Variants in ZNF658 observed in about 807,000 individuals in gnomAD.
ZNF658 encodes zinc finger protein 658.
Under a neutral mutation model 78.0 loss-of-function variants are expected in ZNF658, and 46 were observed. The observed-to-expected ratio is 0.59, with a 90% CI of 0.47 to 0.75. ZNF658 has a LOEUF of 0.75. Ranked by LOEUF, ZNF658 falls within the 30% of genes least tolerant of loss-of-function variation. The pLI is 0.00. For missense variants in ZNF658, 785 were observed against 1,189.3 expected (o/e 0.66, Z 5.00); for synonymous variants, 279 against 408.4 (o/e 0.68, Z 3.82).
intron 3 of ZNF658, 68 bp downstream of exon 3, chr9:66,908,432 T>C: frequency 1.2e-6 from 2 of 1,609,344 alleles, no homozygotes; most frequent in South Asian, 2.2e-5. Flanking sequence ...TCAAAACACA[T>C]GGACCCTTTA....
Position 66,918,319 on chromosome 9 carries a change from C to T in ZNF658, c.753C>T (p.Asn251=). 6.2e-7 allele frequency: 1 copy of T among 1,613,900 alleles called. No individual in the cohort carries two copies. Among genetic ancestry groups the T allele is most frequent in the Non-Finnish European group, 8.5e-7 (1 of 1,179,838 alleles). Residue 251 remains asparagine (N), a synonymous_variant, in exon 5 of 5, where the codon AAC becomes AAT. Coordinates refer to ENST00000621410, the MANE Select transcript of ZNF658 (RefSeq NM_033160.7). ...GTAAGGATGATGAATTTAGAAAAAACTTTGATAAAATCACTTTATTTAACC... is the reference window on the plus strand; with the variant it reads ...GTAAGGATGATGAATTTAGAAAAAATTTTGATAAAATCACTTTATTTAACC... The part of the protein sequence containing the change: ...KSCKDDEFRK[N]FDKITLFNHM...
At chr9:66,922,213 G>A (rs1303549692), downstream of ZNF658, among the ~76,000 whole-genome samples, 1 of 148,066 alleles carries the variant, frequency 6.8e-6, no homozygotes, top group Non-Finnish European at 1.5e-5. Flanking sequence ...CACAGTATTA[G>A]GGTTGGAGTG....
At chr9:66,906,288 G>A (rs1564169427) in intron 2 of ZNF658, among the ~76,000 whole-genome samples, 2 of 151,104 alleles carry the variant, frequency 1.3e-5, no homozygotes, top group Non-Finnish European at 2.9e-5. Flanking sequence ...TGACAGTTTA[G>A]GGCCTTCTCA....
chr9:66,908,243 A>G lies in ZNF658; in HGVS notation c.21A>G (p.Ser7=). MNMSQA[S]VSFQDVTVEF... ...TGTGATAAATGTTGTTACAGGCATCAGTGTCATTCCAGGACGTGACTGTGG... is the reference window on the plus strand; with the variant it reads ...TGTGATAAATGTTGTTACAGGCATCGGTGTCATTCCAGGACGTGACTGTGG... The change falls in exon 3 of 5, where the codon TCA becomes TCG. Residue 7 remains serine, a synonymous_variant. Transcript: ENST00000621410. The G allele has an allele frequency of 1.2e-6, 2 of 1,614,054 alleles. No individual in the cohort carries two copies. Among genetic ancestry groups the G allele is most frequent in the Non-Finnish European group, 1.7e-6 (2 of 1,179,980 alleles).
At chr9:66,912,364 AT>A (rs1488005377) in intron 4 of ZNF658, among the ~76,000 whole-genome samples, 1 of 64,622 alleles carries the variant, frequency 1.5e-5, no homozygotes, top group Non-Finnish European at 2.8e-5. Context: ...ATTTAATAAA[AT>A]ACAGAATGCA....
Position 66,918,131 on chromosome 9 carries a change from TATGAACATG to T in ZNF658, c.566_574del (p.Tyr189_Gly192delinsCys). On this transcript the variant is annotated inframe_deletion, in exon 5 of 5. Coordinates refer to ENST00000621410, the MANE Select transcript of ZNF658 (RefSeq NM_033160.7). The stretch of plus-strand genomic sequence containing the variant: ...GAAAGCTCATGCTGAAGAGAAATCT[TATGAACATG>T]GTGAAAATGCTAAAGCTTTCAGTTA... 2 of 1,594,874 alleles carry T rather than the reference TATGAACATG, an allele frequency of 1.3e-6. No individual in the cohort carries two copies. Among genetic ancestry groups the T allele is most frequent in the Non-Finnish European group, 1.7e-6 (2 of 1,174,614 alleles).
At chr9:66,907,267 T>C (rs1436487516) in intron 2 of ZNF658, among the ~76,000 whole-genome samples, 2 of 152,142 alleles carry the variant, frequency 1.3e-5, no homozygotes, top group African/African-American at 2.4e-5. Flanking sequence ...TAAAATCATA[T>C]GTATCCTGGT....
intron 4 of ZNF658, among the ~76,000 whole-genome samples, chr9:66,909,600 G>A (rs1213552174): frequency 6.6e-6 from 1 of 151,876 alleles, no homozygotes; most frequent in African/African-American, 2.4e-5. Flanking sequence ...AAACTGCTGG[G>A]TCATATGGTA....
intron 4 of ZNF658, among the ~76,000 whole-genome samples, chr9:66,916,031 A>G (rs1822328133): frequency 7.1e-6 from 1 of 141,324 alleles, no homozygotes; most frequent in African/African-American, 2.7e-5. Flanking sequence ...CTGGGATTAC[A>G]GGTGTGCACC....
Position 66,908,294 on chromosome 9 carries a change from C to A in ZNF658, c.72C>A (p.His24Gln), listed in dbSNP as rs1399389841. The change falls in exon 3 of 5, where the codon CAC becomes CAA. Residue 24 changes from histidine to glutamine, a missense_variant. This residue lies in a region of ZNF658 where 79 missense variants were observed against 96.5 expected (regional missense o/e 0.82). Transcript: ENST00000621410. ...TVEFTREEWQ[H>Q]LGPVERTLYR... Reference sequence around the variant, plus strand: ...AATTCACCCGGGAGGAGTGGCAGCACCTGGGCCCTGTCGAGAGGACGCTGT... The same window carrying A: ...AATTCACCCGGGAGGAGTGGCAGCAACTGGGCCCTGTCGAGAGGACGCTGT... 6.2e-7 allele frequency: 1 copy of A among 1,614,068 alleles called. No homozygotes were observed.
At chr9:66,904,435 G>A (rs1024527694) in intron 2 of ZNF658, among the ~76,000 whole-genome samples, 7 of 151,128 alleles carry the variant, frequency 4.6e-5, no homozygotes, top group African/African-American at 1.7e-4. Flanking sequence ...CCTGTCACTC[G>A]GCTCAGCCTC....
intron 4 of ZNF658, among the ~76,000 whole-genome samples, chr9:66,914,739 C>T (rs1822293759): frequency 6.6e-6 from 1 of 151,914 alleles, no homozygotes; most frequent in South Asian, 2.1e-4. Context: ...TATAGTATTG[C>T]AGTGTAGTAA....
At position 66,918,873 on chromosome 9, in the gene ZNF658, G is replaced by T. The variant is rs1587367211; in HGVS notation, c.1307G>T (p.Gly436Val). Residue 436 changes from glycine (G) to valine (V), a missense_variant, in exon 5 of 5, where the codon GGA (glycine) becomes GTA (valine). Around this residue, in one of 12 missense-constraint regions of ZNF658, gnomAD observed 393 missense variants for 400.2 expected, o/e 0.98. Transcript: ENST00000621410. The stretch of plus-strand genomic sequence containing the variant: ...ATTCAGCATCCTGGAACTTATGTGG[G>T]ATTCAAACTTTATGAATGTAATGAA... ...HPIQHPGTYVGFKLYECNECG... is the reference protein window; with the variant it reads ...HPIQHPGTYVVFKLYECNECG... The T allele has an allele frequency of 6.3e-7, 1 of 1,597,122 alleles. No homozygotes were observed. Among genetic ancestry groups the T allele is most frequent in the Non-Finnish European group, 8.6e-7 (1 of 1,168,768 alleles).
intron 4 of ZNF658, among the ~76,000 whole-genome samples, chr9:66,910,045 T>A (rs1206195279): frequency 6.6e-6 from 1 of 152,134 alleles, no homozygotes; most frequent in Non-Finnish European, 1.5e-5. Flanking sequence ...CCGCTTCTTA[T>A]AAAGATATCA....
Position 66,908,734 on chromosome 9 carries a change from G to C in ZNF658, c.238G>C (p.Gly80Arg). 1 of 1,610,592 alleles carries C rather than the reference G, an allele frequency of 6.2e-7. No homozygotes were observed. Among genetic ancestry groups the C allele is most frequent in the Non-Finnish European group, 8.5e-7 (1 of 1,178,822 alleles). ...EDEFLNQRYP[G>R]YFKVDHIKGI... ...TGAATTCCTGAACCAGAGGTACCCA[G>C]GTGAGTGGGCATTAACAGAAGGAGC... The change falls in exon 4 of 5, where the codon GGG becomes CGG. Residue 80 changes from glycine to arginine, a missense_variant and splice_region_variant. Gly to Arg is a moderately radical substitution (Grantham distance 125). This residue lies in a region of ZNF658 where 79 missense variants were observed against 96.5 expected (regional missense o/e 0.82). Coordinates refer to ENST00000621410, the MANE Select transcript of ZNF658 (RefSeq NM_033160.7).
intron 2 of ZNF658, 57 bp downstream of exon 2, chr9:66,903,633 G>T: frequency 6.4e-7 from 1 of 1,569,702 alleles, no homozygotes; most frequent in Non-Finnish European, 8.7e-7. Flanking sequence ...AAGGGTTTAT[G>T]TGTCCGTACA....
intron 4 of ZNF658, among the ~76,000 whole-genome samples, chr9:66,910,766 G>C (rs1364826672): frequency 2.0e-5 from 3 of 146,674 alleles, no homozygotes; most frequent in African/African-American, 7.6e-5. Flanking sequence ...ACTGCACTCC[G>C]GCCTGGGCAA....
chr9:66,910,255 C>T (rs149995740), intron 4 of ZNF658, among the ~76,000 whole-genome samples: 441 of 152,124 alleles, frequency 2.9e-3, no homozygotes, highest in African/African-American at 0.01. Context: ...AGGCTTTGTA[C>T]GAATAAATGA....
intron 1 of ZNF658, 181 bp downstream of exon 1, chr9:66,901,017 C>G (rs1034246033): frequency 6.6e-6 from 1 of 152,208 alleles, no homozygotes; most frequent in Non-Finnish European, 1.5e-5. Flanking sequence ...TGCCGGGCCC[C>G]GCGGGGTTGC....
Sources: gnomAD v4.1 joint callset for allele counts (sites outside exome capture counted in the v4.1 genomes callset) on GRCh38, gnomAD v4.1.1 for gene constraint, gnomAD v4.1.1 regional missense constraint, MANE v1.5 for transcripts, NCBI Gene and HGNC (gene_info 2026-07-23, HGNC 2026-07-21) for gene names.